Variants in CDK14 observed in about 807,000 individuals in gnomAD.
CDK14 encodes the protein cyclin-dependent kinase 14.
In CDK14, 34 loss-of-function variants were observed where a neutral mutation model predicts 60.7. The observed-to-expected ratio is 0.56, with a 90% CI of 0.43 to 0.75. The LOEUF (loss-of-function observed/expected upper bound fraction) is 0.75, where lower values mean the gene tolerates loss of function less well. CDK14 is among the 30% of genes least tolerant of loss of function. The probability of loss-of-function intolerance (pLI) is 0.00; values close to 1 mark genes in which losing one functional copy is unlikely to be tolerated. For synonymous variants in CDK14, 197 were observed against 203.7 expected (o/e 0.97, Z 0.28); for missense variants, 482 against 564.1 (o/e 0.85, Z 1.47).
At chr7:90,640,137 C>G (rs892239611) in intron 2 of CDK14, among the ~76,000 whole-genome samples, 2 of 152,088 alleles carry the variant, frequency 1.3e-5, no homozygotes, top group African/African-American at 2.4e-5. Flanking sequence ...TGTCCTGTGC[C>G]CACTGTCTGG....
At chr7:90,735,011 TTTG>T (rs1803031015) in intron 3 of CDK14, among the ~76,000 whole-genome samples, 1 of 152,164 alleles carries the variant, frequency 6.6e-6, no homozygotes, top group Non-Finnish European at 1.5e-5. Flanking sequence ...GGACATCCTT[TTTG>T]TTGATGTTGA....
chr7:90,952,142 G>T (rs1794281824), intron 8 of CDK14, among the ~76,000 whole-genome samples: 1 of 152,096 alleles, frequency 6.6e-6, no homozygotes, highest in Non-Finnish European at 1.5e-5. Context: ...TAGAAGAAAG[G>T]GAGTGGTCAG....
At chr7:90,649,366 T>TTCCTTTCCTTCC (rs1491135766) in intron 2 of CDK14, among the ~76,000 whole-genome samples, 1 of 22,176 alleles carries the variant, frequency 4.5e-5, no homozygotes, top group Admixed American at 7.2e-4. Flanking sequence ...CCTTCCTTCC[T>TTCCTTTCCTTCC]TTCCTTCCTT....
chr7:90,861,102 A>G (rs193176429), intron 5 of CDK14, among the ~76,000 whole-genome samples: 3 of 152,138 alleles, frequency 2.0e-5, no homozygotes, highest in African/African-American at 7.2e-5. Flanking sequence ...CTTCTTATTC[A>G]GAATAGCCAC....
At chr7:91,135,131 G>T (rs566745813) in intron 14 of CDK14, among the ~76,000 whole-genome samples, 6 of 151,290 alleles carry the variant, frequency 4.0e-5, no homozygotes, top group African/African-American at 1.5e-4. Flanking sequence ...TTATTTTCCC[G>T]TACTTTTCAA....
chr7:91,118,313 C>T, intron 14 of CDK14, 105 bp downstream of exon 14: 2 of 582,350 alleles, frequency 3.4e-6, no homozygotes, highest in South Asian at 2.3e-5. Flanking sequence ...TCCTATGAGT[C>T]TCTTGTGTGC....
At chr7:90,971,244 A>G (rs2117628708) in intron 9 of CDK14, among the ~76,000 whole-genome samples, 1 of 152,094 alleles carries the variant, frequency 6.6e-6, no homozygotes, top group Non-Finnish European at 1.5e-5. Flanking sequence ...AAAAGATGAG[A>G]AAGATGTATT....
At chr7:91,166,120 G>T (rs181756124) in intron 14 of CDK14, among the ~76,000 whole-genome samples, 1 of 152,204 alleles carries the variant, frequency 6.6e-6, no homozygotes, top group Non-Finnish European at 1.5e-5. Flanking sequence ...AGGAGGCAAC[G>T]TGTTACTGAC....
intron 5 of CDK14, among the ~76,000 whole-genome samples, chr7:90,793,728 A>C (rs1247832409): frequency 1.3e-5 from 2 of 152,092 alleles, no homozygotes; most frequent in Non-Finnish European, 2.9e-5. Context: ...CTCTTAATAC[A>C]GAGGGAGGCA....
intron 2 of CDK14, among the ~76,000 whole-genome samples, chr7:90,618,967 T>C (rs896069809): frequency 6.6e-6 from 1 of 152,182 alleles, no homozygotes; most frequent in Non-Finnish European, 1.5e-5. Context: ...GCAGAATCAG[T>C]TTTCCGGTCA....
chr7:90,798,398 G>A (rs1045997630), intron 5 of CDK14, among the ~76,000 whole-genome samples: 1 of 152,108 alleles, frequency 6.6e-6, no homozygotes, highest in East Asian at 1.9e-4. Flanking sequence ...ACTCCTCTGT[G>A]TATCTAATGG....
chr7:90,646,079 G>A (rs1800461383), intron 2 of CDK14, among the ~76,000 whole-genome samples: 1 of 152,124 alleles, frequency 6.6e-6, no homozygotes, highest in Admixed American at 6.5e-5. Flanking sequence ...TGAAATTAAT[G>A]CCAACTTCTT....
At chr7:90,811,120 A>C (rs1789084359) in intron 5 of CDK14, among the ~76,000 whole-genome samples, 1 of 152,228 alleles carries the variant, frequency 6.6e-6, no homozygotes, top group South Asian at 2.1e-4. Context: ...AAACTACTTT[A>C]AAGTTTATGT....
chr7:91,040,647 T>C (rs1288304437), intron 10 of CDK14, among the ~76,000 whole-genome samples: 3 of 152,224 alleles, frequency 2.0e-5, no homozygotes, highest in African/African-American at 7.2e-5. Context: ...CCATATCATT[T>C]CATTAGGACA....
chr7:90,977,886 A>G (rs1584191673), intron 9 of CDK14, among the ~76,000 whole-genome samples: 1 of 152,110 alleles, frequency 6.6e-6, no homozygotes, highest in East Asian at 1.9e-4. Context: ...CCTTGTCCCG[A>G]TCTTGTAGAT....
intron 5 of CDK14, among the ~76,000 whole-genome samples, chr7:90,809,120 C>A (rs935144616): frequency 7.9e-5 from 12 of 152,128 alleles, no homozygotes; most frequent in African/African-American, 2.9e-4. Context: ...ACCAAGTGGA[C>A]CTAATAGACA....
chr7:90,914,461 T>C (rs1311171636), intron 7 of CDK14, among the ~76,000 whole-genome samples: 1 of 152,182 alleles, frequency 6.6e-6, no homozygotes, highest in Non-Finnish European at 1.5e-5. Flanking sequence ...GACCACATCT[T>C]ATATCTTATT....
rs142690794 is a variant in CDK14, at chr7:90,722,785, A to T, written c.124-3782A>T. Among the ~76,000 whole-genome samples, 694 of 152,310 alleles carry T rather than the reference A, an allele frequency of 4.6e-3. 7 individuals are homozygous for T. Among genetic ancestry groups the T allele is most frequent in the African/African-American group, 0.014 (561 of 41,554 alleles). ...AATGAGAGACTACCTGACTCAAAGT[A>T]TGTATTGTAAGGCCGTTAAGGCATG... On this transcript the variant is annotated intron_variant, in intron 2 of 14. Transcript: ENST00000380050.
intron 2 of CDK14, among the ~76,000 whole-genome samples, chr7:90,703,657 A>C (rs1228077830): frequency 6.6e-6 from 1 of 152,196 alleles, no homozygotes; most frequent in Non-Finnish European, 1.5e-5. Context: ...ATCCAGGATA[A>C]TTTGAAACAA....
Sources: allele counts gnomAD v4.1 joint callset (sites outside exome capture counted in the v4.1 genomes callset), GRCh38; gene constraint gnomAD v4.1.1; transcripts MANE v1.5; gene names NCBI Gene and HGNC (gene_info 2026-07-23, HGNC 2026-07-21).